WASHC5: variants seen among roughly 807,000 people sequenced by gnomAD.
WASHC5 encodes WASH complex subunit strumpellin.
WASHC5 carries 101 observed loss-of-function variants against 150.4 expected under a neutral mutation model. The ratio of observed to expected loss-of-function variants is 0.67; its 90% CI spans 0.57 to 0.79. WASHC5 has a LOEUF of 0.79. WASHC5 is among the 30% of genes least tolerant of loss of function. The probability of loss-of-function intolerance (pLI) is 0.00; values close to 1 mark genes in which losing one functional copy is unlikely to be tolerated. For synonymous variants in WASHC5, 467 were observed against 491.2 expected, an observed-to-expected ratio of 0.95 and a Z score of 0.65; for missense variants, 1,195 against 1,396.3, an observed-to-expected ratio of 0.86 and a Z score of 2.30.
At chr8:125,027,231 T>C (rs1327901742) in intron 28 of WASHC5, among the ~76,000 whole-genome samples, 1 of 152,206 alleles carries the variant, frequency 6.6e-6, no homozygotes, top group African/African-American at 2.4e-5. Flanking sequence ...CTATTGGGTA[T>C]TCAAGGAAGA....
intron 26 of WASHC5, among the ~76,000 whole-genome samples, chr8:125,032,992 G>C (rs895169932): frequency 6.6e-6 from 1 of 151,932 alleles, no homozygotes; most frequent in Non-Finnish European, 1.5e-5. Context: ...CTATTCGCAG[G>C]TGCAATCACA....
At chr8:125,052,186 A>G (rs1163313902) in intron 17 of WASHC5, among the ~76,000 whole-genome samples, 3 of 152,234 alleles carry the variant, frequency 2.0e-5, no homozygotes, top group Non-Finnish European at 2.9e-5. Context: ...GATATAGTCA[A>G]TGAGTACAGA....
chr8:125,085,560 A>G (rs539838988), intron 1 of WASHC5, among the ~76,000 whole-genome samples: 141 of 152,340 alleles, frequency 9.3e-4, no homozygotes, highest in Non-Finnish European at 1.6e-3. Flanking sequence ...AAAACCAACC[A>G]ACCAACAAAA....
chr8:125,069,801 A>C (rs1367668311), intron 9 of WASHC5, among the ~76,000 whole-genome samples: 1 of 152,222 alleles, frequency 6.6e-6, no homozygotes. Flanking sequence ...TTTCAGCTCC[A>C]TATTTACCTA....
In WASHC5 at chr8:125,067,746, T is replaced by C. The variant is rs759898472; in HGVS notation, c.1151-27A>G. ...TAGAAACAGGAAAAGTGTTACCTGCTTACTAAATGTGTAGAAAATATCTAT... is the reference window on the plus strand; with the variant it reads ...TAGAAACAGGAAAAGTGTTACCTGCCTACTAAATGTGTAGAAAATATCTAT... On this transcript the variant is annotated intron_variant, in intron 9 of 28. Coordinates refer to ENST00000318410, the MANE Select transcript of WASHC5 (RefSeq NM_014846.4). 17 of 1,609,816 alleles carry C rather than the reference T, an allele frequency of 1.1e-5. No homozygotes were observed. In the South Asian group the frequency reaches 1.8e-4, roughly 17 times the overall value.
At chr8:125,045,888 G>A (rs928100617) in intron 20 of WASHC5, among the ~76,000 whole-genome samples, 2 of 152,160 alleles carry the variant, frequency 1.3e-5, no homozygotes, top group Non-Finnish European at 2.9e-5. Context: ...GGCACTGGGT[G>A]GATAGTTTTC....
rs774355656 is a variant in WASHC5, at chr8:125,073,298, T to G, written c.1005A>C (p.Glu335Asp). 2.3e-5 allele frequency: 37 copies of G among 1,613,906 alleles called. No individual in the cohort carries two copies. Among genetic ancestry groups the G allele is most frequent in the Non-Finnish European group, 3.0e-5 (35 of 1,179,902 alleles). ...EQASRYATVS[E>D]RVHAQVQQFL... ...ATTGCTGCACTTGAGCATGCACTCTTTCACTGACAGTAGCATATCTGCTTG... is the reference window on the plus strand; with the variant it reads ...ATTGCTGCACTTGAGCATGCACTCTGTCACTGACAGTAGCATATCTGCTTG... Residue 335 changes from glutamate (E) to aspartate (D), a missense_variant, in exon 9 of 29, where the codon GAA (glutamate) becomes GAC (aspartate). Coordinates refer to ENST00000318410, the MANE Select transcript of WASHC5 (RefSeq NM_014846.4).
intron 11 of WASHC5, among the ~76,000 whole-genome samples, chr8:125,062,673 AAT>A (rs1271507702): frequency 6.6e-6 from 1 of 152,238 alleles, no homozygotes; most frequent in Non-Finnish European, 1.5e-5. Context: ...GCATCAAAGA[AAT>A]AAACAAAAGC....
chr8:125,055,445 A>T lies in WASHC5; in HGVS notation c.2097+146T>A, dbSNP rs531284011. 3.8e-4 allele frequency: 267 copies of T among 696,260 alleles called. 3 individuals are homozygous for T. The highest frequency in any genetic ancestry group is 1.6e-3 in the South Asian group (108 of 65,888). 43.1% of individuals were successfully genotyped at this position (696,260 alleles called of 1,614,324 possible). ...CTGTCTCAAAAAACTCAACTAAAAT[A>T]AAATAAATGAGTAAAATGAAGACCG... On this transcript the variant is annotated intron_variant, in intron 17 of 28. Coordinates refer to ENST00000318410, the MANE Select transcript of WASHC5 (RefSeq NM_014846.4).
chr8:125,067,490 T>C lies in WASHC5; in HGVS notation c.1278+102A>G, dbSNP rs538737980. 4.9e-5 allele frequency: 50 copies of C among 1,014,706 alleles called. No homozygotes were observed. The African/African-American group carries it at 6.1e-4, about 12-fold the overall frequency. 62.9% of individuals were successfully genotyped at this position (1,014,706 alleles called of 1,614,324 possible). A position where few individuals can be genotyped will look rare whatever the true frequency, so the allele number is the denominator to read the frequency against. ...TATCTCAACAGCTCAAATCTGTACC[T>C]TGAATCAGAGACAGAGCAAGCAATC... On this transcript the variant is annotated intron_variant, in intron 10 of 28. Transcript: ENST00000318410.
At position 125,038,912 on chromosome 8, in the gene WASHC5, G is replaced by C. The variant is rs2129991549; in HGVS notation, c.3002C>G (p.Pro1001Arg). Residue 1001 changes from proline to arginine, a missense_variant, in exon 25 of 29, where the codon CCT (proline) becomes CGT (arginine). Physicochemically the swap from Pro to Arg is moderately radical, Grantham distance 103. Transcript: ENST00000318410. ...AAGTGTGTTATCTTCTTTGGGGTAA[G>C]GAAGTGAAGGGTCCTGATAGTGGGC... ...IEAHYQDPSL[P>R]YPKEDNTLLY... 1 of 1,614,040 alleles carries C rather than the reference G, an allele frequency of 6.2e-7. No individual in the cohort carries two copies. The highest frequency in any genetic ancestry group is 2.2e-5 in the East Asian group (1 of 44,884).
At chr8:125,064,848 T>C (rs1816701812) in intron 10 of WASHC5, among the ~76,000 whole-genome samples, 1 of 152,174 alleles carries the variant, frequency 6.6e-6, no homozygotes, top group Non-Finnish European at 1.5e-5. Flanking sequence ...TGTGGAATTT[T>C]GCGGGGCCTG....
At chr8:125,047,486 G>A (rs1242543135) in intron 19 of WASHC5, among the ~76,000 whole-genome samples, 155 bp from the exon 20 acceptor site, 6 of 151,822 alleles carry the variant, frequency 4.0e-5, no homozygotes, top group Admixed American at 2.0e-4. Flanking sequence ...CCCCCAGGCT[G>A]GAGTGCAGTG....
intron 10 of WASHC5, 70 bp downstream of exon 10, chr8:125,067,522 T>A: frequency 7.5e-7 from 1 of 1,337,910 alleles, no homozygotes; most frequent in Non-Finnish European, 1.1e-6. Flanking sequence ...AATCCTAGTC[T>A]TTTTTTTAAA....
At chr8:125,071,038 C>T (rs1816882973) in intron 9 of WASHC5, among the ~76,000 whole-genome samples, 1 of 152,200 alleles carries the variant, frequency 6.6e-6, no homozygotes, top group South Asian at 2.1e-4. Context: ...CTTGTGTGCA[C>T]AGTTTTTTAA....
intron 17 of WASHC5, among the ~76,000 whole-genome samples, chr8:125,052,245 A>G (rs1432937933): frequency 6.6e-6 from 1 of 152,250 alleles, no homozygotes; most frequent in Non-Finnish European, 1.5e-5. Flanking sequence ...TTACAAGAAC[A>G]GATTTACTAA....
intron 25 of WASHC5, 56 bp from the exon 26 acceptor site, chr8:125,037,389 A>G (rs1815746311): frequency 1.9e-6 from 2 of 1,025,652 alleles, no homozygotes; most frequent in African/African-American, 3.2e-5. Flanking sequence ...ACAATACCAC[A>G]GAACAGGTTT....
rs748438000 is a variant in WASHC5 at position 125,075,119 on chromosome 8, A to G, written c.865-8T>C. The G allele has an allele frequency of 4.0e-6, 6 of 1,504,894 alleles. No homozygotes were observed. In the Admixed American group the frequency reaches 1.0e-4, roughly 25 times the overall value. 93.2% of individuals were successfully genotyped at this position (1,504,894 alleles called of 1,614,324 possible). ...CATGTAAATACTAATTACCTGAAAG[A>G]GGAGACATTCAGAATTTGTTAAATT... is the stretch of plus-strand genomic sequence containing the variant. On this transcript the variant is annotated splice_region_variant and splice_polypyrimidine_tract_variant and intron_variant, in intron 7 of 28. Coordinates refer to ENST00000318410, the MANE Select transcript of WASHC5 (RefSeq NM_014846.4).
At chr8:125,032,945 G>A (rs1366786870) in intron 26 of WASHC5, among the ~76,000 whole-genome samples, 4 of 151,922 alleles carry the variant, frequency 2.6e-5, no homozygotes, top group African/African-American at 7.3e-5. Flanking sequence ...AATTGGAGAT[G>A]GGGTCTTGCT....
Sources: gnomAD v4.1 joint callset for allele counts (sites outside exome capture counted in the v4.1 genomes callset) on GRCh38, gnomAD v4.1.1 for gene constraint, MANE v1.5 for transcripts, NCBI Gene and HGNC (gene_info 2026-07-23, HGNC 2026-07-21) for gene names.